Variants in RBFOX1 observed in about 807,000 individuals in gnomAD.
The protein encoded by RBFOX1 is RNA binding protein fox-1 homolog 1.
Under a neutral mutation model 57.7 loss-of-function variants are expected in RBFOX1, and 8 were observed. The observed-to-expected ratio is 0.14, with a 90% CI of 0.08 to 0.25. RBFOX1 has a LOEUF of 0.25. RBFOX1 is among the 10% of genes least tolerant of loss of function. The pLI, the probability that RBFOX1 is intolerant of heterozygous loss-of-function variation, is 1.00. For missense variants in RBFOX1, 611 were observed against 548.5 expected, an observed-to-expected ratio of 1.11 and a Z score of -1.14; for synonymous variants, 326 against 222.4, an observed-to-expected ratio of 1.47 and a Z score of -4.15.
At position 5,946,687 on chromosome 16, in the gene RBFOX1, C is replaced by G. The variant is rs1165929836; in HGVS notation, c.351+79352C>G. Reference sequence around the variant, plus strand: ...GGTTATGAGAATCTCTGATTTATAACCAGATGGTGAGAAGGGAAGTACAGG... The same window carrying G: ...GGTTATGAGAATCTCTGATTTATAAGCAGATGGTGAGAAGGGAAGTACAGG... On this transcript the variant is annotated intron_variant, in intron 4 of 19. Transcript: ENST00000641259. The surrounding 1 kb of genome is among the most constrained non-coding windows in gnomAD (Gnocchi z 4.6). Among the ~76,000 whole-genome samples the G allele has an allele frequency of 6.6e-6, 1 of 152,130 alleles. No individual in the cohort carries two copies. Among genetic ancestry groups the G allele is most frequent in the Non-Finnish European group, 1.5e-5 (1 of 68,032 alleles).
chr16:6,919,184 T>C (rs1239104119), intron 3 of RBFOX1, among the ~76,000 whole-genome samples: 5 of 152,046 alleles, frequency 3.3e-5, no homozygotes, highest in Non-Finnish European at 5.9e-5. Flanking sequence ...GGTTTCACCA[T>C]GTTGGCCAGG....
intron 12 of RBFOX1, 90 bp from the exon 13 acceptor site, chr16:7,664,839 C>T: frequency 6.2e-7 from 1 of 1,607,296 alleles, no homozygotes; most frequent in Non-Finnish European, 8.5e-7. Context: ...GATCTTGTGA[C>T]CAGACTAACC....
At chr16:6,966,901 ATCC>A (rs1568129857) in intron 3 of RBFOX1, among the ~76,000 whole-genome samples, 2 of 54,284 alleles carry the variant, frequency 3.7e-5, no homozygotes, top group African/African-American at 8.5e-5. Context: ...CTCTCCATCC[ATCC>A]ATCCATCCAT....
chr16:7,340,922 A>C (rs563349162), intron 4 of RBFOX1, among the ~76,000 whole-genome samples: 2 of 152,170 alleles, frequency 1.3e-5, no homozygotes, highest in Admixed American at 6.5e-5. Flanking sequence ...TATATCAGCA[A>C]CTATGCTTTT....
chr16:6,776,323 A>T (rs1315874837), intron 3 of RBFOX1, among the ~76,000 whole-genome samples: 1 of 152,136 alleles, frequency 6.6e-6, no homozygotes, highest in Non-Finnish European at 1.5e-5. Flanking sequence ...AGGCAGGAGA[A>T]TGGTGTGAAC....
chr16:5,318,990 G>C (rs959659268), intron 1 of RBFOX1, among the ~76,000 whole-genome samples: 3 of 152,168 alleles, frequency 2.0e-5, no homozygotes, highest in Admixed American at 6.5e-5. Context: ...AGCTGGGCAT[G>C]GTGGCGTGCG....
intron 2 of RBFOX1, among the ~76,000 whole-genome samples, chr16:5,565,267 G>A (rs2046023610): frequency 6.6e-6 from 1 of 152,178 alleles, no homozygotes; most frequent in African/African-American, 2.4e-5. Flanking sequence ...GTGTGTGTGT[G>A]TGCGTGTGTG....
In RBFOX1 at chr16:6,584,772, C is replaced by T. The variant is rs141669656; in HGVS notation, c.-63-69831C>T. 2.2e-3 allele frequency among the ~76,000 whole-genome samples: 330 copies of T among 152,260 alleles called. 1 individual carries two copies. The highest frequency in any genetic ancestry group is 0.01 in the Middle Eastern group (3 of 294). On this transcript the variant is annotated intron_variant, in intron 2 of 15. Coordinates refer to ENST00000550418, the MANE Select transcript of RBFOX1 (RefSeq NM_018723.4). ...GAATTGCCACCCACCAAGGCAGGAC[C>T]AGCCTGGCACCGATCACTGAAGGAT...
At chr16:5,392,541 T>C (rs1567439695) in intron 1 of RBFOX1, among the ~76,000 whole-genome samples, 3 of 151,528 alleles carry the variant, frequency 2.0e-5, no homozygotes, top group Non-Finnish European at 4.4e-5. Context: ...TTTTTTTCTT[T>C]TTTTCTTTTT....
chr16:5,806,893 C>G (rs1436398), intron 3 of RBFOX1, among the ~76,000 whole-genome samples: 86,297 of 151,992 alleles, frequency 0.57, 25,064 homozygotes, highest in South Asian at 0.66. Flanking sequence ...CTTTCTAAAC[C>G]TCTCAGAGCC....
intron 1 of RBFOX1, among the ~76,000 whole-genome samples, chr16:6,243,910 T>C (rs1831931475): frequency 6.6e-6 from 1 of 152,126 alleles, no homozygotes; most frequent in Admixed American, 6.6e-5. Context: ...GTATCAACAC[T>C]CATGTTGGAT....
At chr16:6,297,703 C>T (rs976768796) in intron 1 of RBFOX1, among the ~76,000 whole-genome samples, 2 of 152,046 alleles carry the variant, frequency 1.3e-5, no homozygotes, top group South Asian at 2.1e-4. Flanking sequence ...AAACCCCAAA[C>T]ACCCAGTTCC....
intron 1 of RBFOX1, among the ~76,000 whole-genome samples, chr16:6,062,755 C>A (rs1284719726): frequency 1.3e-5 from 2 of 151,790 alleles, no homozygotes; most frequent in Admixed American, 6.6e-5. Context: ...CTTTGACTAT[C>A]ACTGTGTGGA....
intron 2 of RBFOX1, among the ~76,000 whole-genome samples, chr16:6,615,004 T>G (rs539845001): frequency 2.0e-5 from 3 of 152,216 alleles, no homozygotes; most frequent in Admixed American, 2.0e-4. Flanking sequence ...TGGGCATTAT[T>G]TATTAAGAGA....
chr16:6,599,480 C>T (rs560094569), intron 2 of RBFOX1, among the ~76,000 whole-genome samples: 19 of 152,194 alleles, frequency 1.2e-4, no homozygotes, highest in African/African-American at 2.2e-4. Context: ...AAATACTAAG[C>T]GACACACCTA....
chr16:5,641,383 C>T (rs373517037), intron 3 of RBFOX1, among the ~76,000 whole-genome samples: 92 of 152,326 alleles, frequency 6.0e-4, no homozygotes, highest in African/African-American at 2.2e-3. Context: ...CAAGTAGATA[C>T]CTGCTGCAGT....
chr16:7,598,155 G>A (rs1416100063), intron 9 of RBFOX1, among the ~76,000 whole-genome samples: 1 of 152,116 alleles, frequency 6.6e-6, no homozygotes, highest in East Asian at 1.9e-4. Context: ...GAAGAAACCT[G>A]CCACTGTGTT....
chr16:7,081,834 T>C (rs548220293), intron 4 of RBFOX1, among the ~76,000 whole-genome samples: 7 of 152,318 alleles, frequency 4.6e-5, no homozygotes, highest in Admixed American at 4.6e-4. Context: ...TGAACTAATA[T>C]GTTTAACCAT....
intron 3 of RBFOX1, among the ~76,000 whole-genome samples, chr16:5,636,095 C>T (rs1184023505): frequency 6.6e-6 from 1 of 152,022 alleles, no homozygotes; most frequent in African/African-American, 2.4e-5. Context: ...TGCCTGTAAC[C>T]CCAGCACTTT....
Sources: allele counts gnomAD v4.1 joint callset (sites outside exome capture counted in the v4.1 genomes callset), GRCh38; gene constraint gnomAD v4.1.1; non-coding constraint Gnocchi (gnomAD v3.1); transcripts MANE v1.5; gene names NCBI Gene and HGNC (gene_info 2026-07-23, HGNC 2026-07-21).